CINP: variants seen among roughly 807,000 people sequenced by gnomAD.
The protein encoded by CINP is cyclin dependent kinase 2 interacting protein.
Under a neutral mutation model 20.5 loss-of-function variants are expected in CINP, and 11 were observed. The observed-to-expected ratio is 0.54, with a 90% CI of 0.34 to 0.89. The LOEUF is 0.89. Among genes scored for constraint, CINP ranks in the 40% least tolerant of loss-of-function variants. The probability of loss-of-function intolerance (pLI) is 0.02; values close to 1 mark genes in which losing one functional copy is unlikely to be tolerated. For synonymous variants in CINP, 108 were observed against 102.1 expected (o/e 1.06, Z -0.35); for missense variants, 213 against 251.0 (o/e 0.85, Z 1.02).
intron 3 of CINP, chr14:102,352,323 C>T (rs1176106523): frequency 3.4e-6 from 1 of 296,306 alleles, no homozygotes; most frequent in Non-Finnish European, 6.8e-6. Flanking sequence ...GGCAAGAAGT[C>T]ATGCTCAATC....
intron 2 of CINP, among the ~76,000 whole-genome samples, chr14:102,358,885 T>C (rs1887059426): frequency 6.6e-6 from 1 of 152,060 alleles, no homozygotes; most frequent in Non-Finnish European, 1.5e-5. Flanking sequence ...TCATTATGCC[T>C]ATGAACTACA....
In CINP at chr14:102,356,000, G is replaced by A. The variant is rs918513125; in HGVS notation, c.177-103C>T. ...CCTCTATATCCACATAGTTACGTGG[G>A]ACATTTTGCATAAGCATTGTTCTTT... On this transcript the variant is annotated intron_variant, in intron 2 of 4. Transcript: ENST00000216756. 39 of 1,197,956 alleles carry A rather than the reference G, an allele frequency of 3.3e-5. No individual in the cohort carries two copies. In the African/African-American group the frequency reaches 3.8e-4, roughly 12 times the overall value. The allele number at this position is 1,197,956 out of a possible 1,614,324, so 74.2% of individuals were successfully genotyped here.
intron 4 of CINP, 55 bp from the exon 5 acceptor site, chr14:102,348,814 C>A: frequency 6.6e-7 from 1 of 1,517,144 alleles, no homozygotes; most frequent in Non-Finnish European, 9.0e-7. Context: ...ATAGTGTCGA[C>A]TTGGGAAGAA....
chr14:102,362,754 C>T, intron 1 of CINP, 91 bp downstream of exon 1: 5 of 1,534,930 alleles, frequency 3.3e-6, no homozygotes, highest in Non-Finnish European at 3.6e-6. Flanking sequence ...TCATGTAATC[C>T]GGGGAGCTCC....
intron 2 of CINP, among the ~76,000 whole-genome samples, chr14:102,356,292 G>A (rs772985184): frequency 6.6e-6 from 1 of 151,966 alleles, no homozygotes. Context: ...GGTGGGACAC[G>A]TATGTGGTCC....
intron 2 of CINP, among the ~76,000 whole-genome samples, chr14:102,358,230 C>G (rs1485988804): frequency 1.3e-5 from 2 of 152,222 alleles, no homozygotes; most frequent in African/African-American, 4.8e-5. Flanking sequence ...ACTGTGCACA[C>G]TGTTGAAATG....
chr14:102,348,391 G>A lies in CINP; in HGVS notation c.*166C>T. 1 of 632,858 alleles carries A rather than the reference G, an allele frequency of 1.6e-6. No individual in the cohort carries two copies. The highest frequency in any genetic ancestry group is 2.7e-6 in the Non-Finnish European group (1 of 368,892). 39.2% of individuals were successfully genotyped at this position (632,858 alleles called of 1,614,324 possible). A position where few individuals can be genotyped will look rare whatever the true frequency, so the allele number is the denominator to read the frequency against. On this transcript the variant is annotated 3_prime_UTR_variant, in exon 5 of 5. Transcript: ENST00000216756. ...CACGTGGGGCTGGCCGCGGGTTGTG[G>A]GCATGAGCACGCCTGGAGAGGCCAT... is the stretch of plus-strand genomic sequence containing the variant.
rs1886861339 is a variant in CINP, at chr14:102,351,236, CG to C, written c.307-1189del. On this transcript the variant is annotated intron_variant, in intron 3 of 4. Transcript: ENST00000216756. This position sits in a 1 kb window ranked among gnomAD's most constrained non-coding sequence, Gnocchi z 4.2. ...ACACTTCACGCAGAAAGGAAGGAAA[CG>C]TGGCAAGCTGCCATTGACGGTCCCT... Among the ~76,000 whole-genome samples, 1 of 152,190 alleles carries C rather than the reference CG, an allele frequency of 6.6e-6. No individual in the cohort carries two copies. Among genetic ancestry groups the C allele is most frequent in the South Asian group, 2.1e-4 (1 of 4,828 alleles).
chr14:102,353,745 A>G (rs1886927808), intron 3 of CINP, among the ~76,000 whole-genome samples: 1 of 152,124 alleles, frequency 6.6e-6, no homozygotes, highest in Non-Finnish European at 1.5e-5. Flanking sequence ...GCCTGAGGAA[A>G]CAAGGGGACT....
At chr14:102,350,137 G>A (rs533615295) in intron 3 of CINP, 89 bp from the exon 4 acceptor site, 15 of 1,235,712 alleles carry the variant, frequency 1.2e-5, no homozygotes, top group East Asian at 9.5e-5. Flanking sequence ...GCTAAGAAGT[G>A]TAAGTCTATT....
Position 102,348,451 on chromosome 14 carries a change from A to AGAT in CINP, c.*105_*106insATC, listed in dbSNP as rs71470203. 4.0e-5 allele frequency: 42 copies of AGAT among 1,055,614 alleles called. No homozygotes were observed. Among genetic ancestry groups the AGAT allele is most frequent in the Non-Finnish European group, 1.4e-6 (1 of 736,972 alleles). 65.4% of individuals were successfully genotyped at this position (1,055,614 alleles called of 1,614,324 possible). A position where few individuals can be genotyped will look rare whatever the true frequency, so the allele number is the denominator to read the frequency against. ...GACAAGCTCTGGCCAGAAGACCCCA[A>AGAT]GGTCTGATCCTGGGGTCTGATCCAG... is the stretch of plus-strand genomic sequence containing the variant. On this transcript the variant is annotated 3_prime_UTR_variant, in exon 5 of 5. Transcript: ENST00000216756.
In CINP at chr14:102,361,641, AAAAACAAAACAAAAC is replaced by A. The variant is rs56044966; in HGVS notation, c.7+1189_7+1203del. Among the ~76,000 whole-genome samples the A allele has an allele frequency of 3.0e-4, 45 of 152,058 alleles. No individual in the cohort carries two copies. The South Asian group carries it at 6.7e-3, about 22-fold the overall frequency. On this transcript the variant is annotated intron_variant, in intron 1 of 4. Coordinates refer to ENST00000216756, the MANE Select transcript of CINP (RefSeq NM_032630.3). Reference sequence around the variant, plus strand: ...GGGTGACAGAGCGAGACTCCGTCTCAAAAACAAAACAAAACAAAACAAAACAAAACAAAATAAAAA... The same window carrying A: ...GGGTGACAGAGCGAGACTCCGTCTCAAAAACAAAACAAAACAAAATAAAAA...
chr14:102,356,770 G>A (rs1299654871), intron 2 of CINP, among the ~76,000 whole-genome samples: 1 of 152,114 alleles, frequency 6.6e-6, no homozygotes, highest in East Asian at 1.9e-4. Context: ...GATATTGCTA[G>A]TTTAATTGTT....
At chr14:102,354,877 C>T (rs1430599609) in intron 3 of CINP, among the ~76,000 whole-genome samples, 3 of 152,044 alleles carry the variant, frequency 2.0e-5, no homozygotes, top group Admixed American at 6.6e-5. Flanking sequence ...CGAGACCAGC[C>T]TGGTCAACAT....
intron 3 of CINP, among the ~76,000 whole-genome samples, chr14:102,355,332 T>C (rs1886972471): frequency 6.6e-6 from 1 of 152,010 alleles, no homozygotes; most frequent in South Asian, 2.1e-4. Flanking sequence ...CTGACCAATA[T>C]GGTGAAACCC....
Position 102,355,873 on chromosome 14 carries a change from G to T in CINP, c.201C>A (p.Asp67Glu), listed in dbSNP as rs749174150. The T allele has an allele frequency of 6.2e-7, 1 of 1,614,040 alleles. No homozygotes were observed. The highest frequency in any genetic ancestry group is 8.5e-7 in the Non-Finnish European group (1 of 1,180,008). ...TTTCCTTCGAGGCTGGGCTGCTGCT[G>T]TCTAGTTCTATCTTGTCTTTATTCC... ...SLLNKDKIEL[D>E]SSSPASKENE... Residue 67 changes from aspartate to glutamate, a missense_variant, in exon 3 of 5, where the codon GAC (aspartate) becomes GAA (glutamate). Asp to Glu is a conservative substitution (Grantham distance 45, BLOSUM62 2). Coordinates refer to ENST00000216756, the MANE Select transcript of CINP (RefSeq NM_032630.3).
In CINP at chr14:102,350,808, C is replaced by CTT. The variant is rs58210806; in HGVS notation, c.307-762_307-761dup. ...CGTTTCTGATGTTCTCTCTCTCTCTCTTTTTTTTTTTTTTTTTTGAGACGG... is the reference window on the plus strand; with the variant it reads ...CGTTTCTGATGTTCTCTCTCTCTCTCTTTTTTTTTTTTTTTTTTTTGAGACGG... On this transcript the variant is annotated intron_variant, in intron 3 of 4. Coordinates refer to ENST00000216756, the MANE Select transcript of CINP (RefSeq NM_032630.3). 2.2e-3 allele frequency among the ~76,000 whole-genome samples: 280 copies of CTT among 127,832 alleles called. 7 individuals carry two copies. The highest frequency in any genetic ancestry group is 6.5e-3 in the East Asian group (28 of 4,278). The allele number at this position is 127,832 out of a possible 152,430, so 83.9% of individuals were successfully genotyped here.
chr14:102,359,515 G>A lies in CINP; in HGVS notation c.80C>T (p.Ala27Val), dbSNP rs376024315. 2.3e-5 allele frequency: 37 copies of A among 1,612,588 alleles called. No individual in the cohort carries two copies. Among genetic ancestry groups the A allele is most frequent in the Non-Finnish European group, 2.5e-5 (30 of 1,179,250 alleles). Reference sequence around the variant, plus strand: ...CAGGATTAAATTGTGCCAATCAGCCGCATTGTCCTTAATTTTTCTTGCACT... The same window carrying A: ...CAGGATTAAATTGTGCCAATCAGCCACATTGTCCTTAATTTTTCTTGCACT... ...SVSARKIKDN[A>V]ADWHNLILKW... is the part of the protein sequence containing the mutation. The change falls in exon 2 of 5, where the codon GCG becomes GTG. Residue 27 changes from alanine (A) to valine (V), a missense_variant. Coordinates refer to ENST00000216756, the MANE Select transcript of CINP (RefSeq NM_032630.3).
intron 2 of CINP, among the ~76,000 whole-genome samples, chr14:102,356,523 A>G (rs1238833875): frequency 2.0e-5 from 3 of 152,048 alleles, no homozygotes; most frequent in Non-Finnish European, 4.4e-5. Flanking sequence ...AGAGTTCACA[A>G]TCCAGGAATA....
Sources: allele counts gnomAD v4.1 joint callset (sites outside exome capture counted in the v4.1 genomes callset), GRCh38; gene constraint gnomAD v4.1.1; non-coding constraint Gnocchi (gnomAD v3.1); transcripts MANE v1.5; gene names NCBI Gene and HGNC (gene_info 2026-07-23, HGNC 2026-07-21).